The following ALOXE3 variants were observed in gnomAD, a reference collection of about 807,000 sequenced individuals.
ALOXE3 encodes hydroperoxide isomerase ALOXE3.
ALOXE3 carries 78 observed loss-of-function variants against 87.5 expected under a neutral mutation model. That is an observed-to-expected ratio of 0.89 (90% confidence interval 0.74 to 1.08). ALOXE3 has a LOEUF of 1.08. Among genes scored for constraint, ALOXE3 ranks in the 50% least tolerant of loss-of-function variants. The pLI is 0.00. For synonymous variants in ALOXE3, 363 were observed against 370.8 expected (o/e 0.98, Z 0.24); for missense variants, 946 against 912.4 (o/e 1.04, Z -0.47).
chr17:8,104,008 T>C (rs1009746542), intron 14 of ALOXE3, 107 bp downstream of exon 14: 12 of 959,240 alleles, frequency 1.3e-5, no homozygotes, highest in Non-Finnish European at 1.5e-5. Flanking sequence ...CCAAGTCTAA[T>C]CATAAACCCA....
intron 15 of ALOXE3, among the ~76,000 whole-genome samples, chr17:8,102,674 T>C (rs1658017793): frequency 1.3e-5 from 2 of 152,274 alleles, no homozygotes; most frequent in Admixed American, 1.3e-4. Context: ...GCCCTGCTCT[T>C]CCTCTCTGTC....
At chr17:8,118,450 C>G in intron 1 of ALOXE3, 36 bp downstream of exon 1, 1 of 1,550,322 alleles carries the variant, frequency 6.5e-7, no homozygotes, top group Middle Eastern at 1.7e-4. Context: ...AAGATCTGTT[C>G]CTCCCCATTC....
At chr17:8,109,833 G>A in intron 11 of ALOXE3, 83 bp downstream of exon 11, 2 of 1,401,032 alleles carry the variant, frequency 1.4e-6, no homozygotes, top group Non-Finnish European at 1.9e-6. Context: ...AAGGGGCTTG[G>A]GCGCAGAACA....
At chr17:8,107,753 C>T (rs1412422836) in intron 13 of ALOXE3, among the ~76,000 whole-genome samples, 7 of 144,258 alleles carry the variant, frequency 4.9e-5, no homozygotes, top group Admixed American at 2.1e-4. Context: ...GAGCAGAGAT[C>T]GCGCCACTGC....
At position 8,096,270 on chromosome 17, in the gene ALOXE3, T is replaced by G; in HGVS notation, c.*357A>C. On this transcript the variant is annotated 3_prime_UTR_variant, in exon 16 of 16. Coordinates refer to ENST00000448843, the MANE Select transcript of ALOXE3 (RefSeq NM_021628.3). ...CATGGTAGGAGAAGGAGTTTGGGGA[T>G]TGGGGAGGATGAGGGAGAAAAGCTC... 5 of 232,890 alleles carry G rather than the reference T, an allele frequency of 2.1e-5. No individual in the cohort carries two copies. Among genetic ancestry groups the G allele is most frequent in the South Asian group, 6.9e-5 (1 of 14,462 alleles). 14.4% of individuals were successfully genotyped at this position (232,890 alleles called of 1,614,324 possible).
chr17:8,098,234 G>GTTTTTTTTTTTT (rs71159546), intron 15 of ALOXE3, among the ~76,000 whole-genome samples: 18 of 87,484 alleles, frequency 2.1e-4, no homozygotes, highest in East Asian at 3.8e-4. Context: ...TTTGGTTTTT[G>GTTTTTTTTTTTT]TTTTTTTTTT....
rs1212934112 is a variant in ALOXE3 at position 8,107,907 on chromosome 17, A to G, written c.1684+561T>C. ...AAAGAAAGAAAGAAAGAAAGAAAGA[A>G]AGAAAGAAAGAAAGAAAGAAAGAAA... is the stretch of plus-strand genomic sequence containing the variant. On this transcript the variant is annotated intron_variant, in intron 13 of 15. Transcript: ENST00000448843. Among the ~76,000 whole-genome samples, 23 of 7,136 alleles carry G rather than the reference A, an allele frequency of 3.2e-3. 5 individuals carry two copies. Among genetic ancestry groups the G allele is most frequent in the Admixed American group, 0.019 (15 of 792 alleles). The allele number at this position is 7,136 out of a possible 152,430, so 4.7% of individuals were successfully genotyped here. A position where few individuals can be genotyped will look rare whatever the true frequency, so the allele number is the denominator to read the frequency against.
At chr17:8,099,651 ACT>A (rs1396128103) in intron 15 of ALOXE3, among the ~76,000 whole-genome samples, 1 of 141,340 alleles carries the variant, frequency 7.1e-6, no homozygotes, top group African/African-American at 2.7e-5. Flanking sequence ...ACGGAGTGAG[ACT>A]CTGTCTCAAA....
chr17:8,103,635 G>A lies in ALOXE3; in HGVS notation c.1786-142C>T, dbSNP rs1449794486. The A allele has an allele frequency of 8.6e-6, 8 of 926,752 alleles. No homozygotes were observed. In the African/African-American group the frequency reaches 1.3e-4, roughly 15 times the overall value. 57.4% of individuals were successfully genotyped at this position (926,752 alleles called of 1,614,324 possible). A position where few individuals can be genotyped will look rare whatever the true frequency, so the allele number is the denominator to read the frequency against. On this transcript the variant is annotated intron_variant, in intron 14 of 15. Transcript: ENST00000448843. ...GATCACGGAAAGGCAAGAGAGCTGG[G>A]AAATGAGGGGATCATGGAAAGGCAA...
At chr17:8,105,098 C>T (rs118102524) in intron 13 of ALOXE3, among the ~76,000 whole-genome samples, 5,516 of 152,270 alleles carry the variant, frequency 0.036, 129 homozygotes, top group Middle Eastern at 0.075. Flanking sequence ...CGTCAGATTA[C>T]GTCACCCCTC....
In ALOXE3 at chr17:8,114,551, A is replaced by C. The variant is rs1980408284; in HGVS notation, c.613T>G (p.Tyr205Asp). The C allele has an allele frequency of 6.2e-7, 1 of 1,613,838 alleles. No homozygotes were observed. The highest frequency in any genetic ancestry group is 1.7e-5 in the Admixed American group (1 of 60,000). The change falls in exon 6 of 16, where the codon TAC becomes GAC. Residue 205 changes from tyrosine (Y) to aspartate (D), a missense_variant. Tyr to Asp is a radical substitution (Grantham distance 160, BLOSUM62 -3). Coordinates refer to ENST00000448843, the MANE Select transcript of ALOXE3 (RefSeq NM_021628.3). ...PMKIDIPSLM[Y>D]MEPNVRYSAT... ...GAGTATCGAACATTGGGCTCCATGTACATCAGGGATGGGATGTCAATTTTC... is the reference window on the plus strand; with the variant it reads ...GAGTATCGAACATTGGGCTCCATGTCCATCAGGGATGGGATGTCAATTTTC...
chr17:8,106,678 T>C (rs1168024666), intron 13 of ALOXE3, among the ~76,000 whole-genome samples: 2 of 151,994 alleles, frequency 1.3e-5, no homozygotes, highest in Non-Finnish European at 2.9e-5. Context: ...ATACAAAAAT[T>C]ATCCGGGCGT....
chr17:8,110,829 CATCTGAGCACTATGT>C (rs1980011403), intron 8 of ALOXE3, among the ~76,000 whole-genome samples: 1 of 152,196 alleles, frequency 6.6e-6, no homozygotes, highest in Admixed American at 6.5e-5. Context: ...CCCCTTCTGA[CATCTGAGCACTATGT>C]ATCCAGCAAC....
In ALOXE3 at chr17:8,103,222, T is replaced by A. The variant is rs113934910; in HGVS notation, c.1956+101A>T. 7.4e-4 allele frequency: 1,040 copies of A among 1,400,994 alleles called. 7 individuals carry two copies. The African/African-American group carries it at 0.013, about 18-fold the overall frequency. The allele number at this position is 1,400,994 out of a possible 1,614,324, so 86.8% of individuals were successfully genotyped here. Reference sequence around the variant, plus strand: ...ACCCAAGGCAGTTCTGCAGTGAACATAAATCCCGTCGATCAGTCCTCAAGC... The same window carrying A: ...ACCCAAGGCAGTTCTGCAGTGAACAAAAATCCCGTCGATCAGTCCTCAAGC... On this transcript the variant is annotated intron_variant, in intron 15 of 15. Transcript: ENST00000448843.
At chr17:8,115,302 G>A (rs1008688648) in intron 4 of ALOXE3, among the ~76,000 whole-genome samples, 1 of 152,224 alleles carries the variant, frequency 6.6e-6, no homozygotes, top group Non-Finnish European at 1.5e-5. Context: ...CCGGTTTAGT[G>A]GGGGAGGCTG....
At chr17:8,115,564 C>G (rs1436961612) in intron 4 of ALOXE3, 43 bp downstream of exon 4, 16 of 1,552,288 alleles carry the variant, frequency 1.0e-5, no homozygotes, top group Middle Eastern at 1.7e-4. Context: ...AGACTGAGGT[C>G]AGGATAAAGA....
chr17:8,112,246 T>A, intron 6 of ALOXE3, 50 bp from the exon 7 acceptor site: 1 of 1,399,210 alleles, frequency 7.1e-7, no homozygotes, highest in Non-Finnish European at 1.0e-6. Flanking sequence ...TAGAGTCTGC[T>A]GGGAATCACT....
At chr17:8,107,809 A>AAAAAGAAAGAAAGAAAGAAAGAAAGAAAG (rs1979448904) in intron 13 of ALOXE3, among the ~76,000 whole-genome samples, 1 of 39,170 alleles carries the variant, frequency 2.6e-5, no homozygotes, top group African/African-American at 1.2e-4. Flanking sequence ...AAAAAAAAAA[A>AAAAAGAAAGAAAGAAAGAAAGAAAGAAAG]CAAGAAAGAA....
rs1248220350 is a variant in ALOXE3, at chr17:8,110,453, A to G, written c.1033T>C (p.Tyr345His). 7 of 1,613,432 alleles carry G rather than the reference A, an allele frequency of 4.3e-6. No homozygotes were observed. Among genetic ancestry groups the G allele is most frequent in the Non-Finnish European group, 5.1e-6 (6 of 1,179,734 alleles). Residue 345 changes from tyrosine to histidine, a missense_variant, in exon 9 of 16, where the codon TAC (tyrosine) becomes CAC (histidine). Physicochemically the swap from Tyr to His is moderately conservative, Grantham distance 83. Coordinates refer to ENST00000448843, the MANE Select transcript of ALOXE3 (RefSeq NM_021628.3). ...PTHCLNGRQQ[Y>H]VAAPLCLLWL... ...AGCAGGCACAGTGGGGCGGCCACGT[A>G]CTGCTGGCGGCCGTTTAGGCAGTGG...
Sources: gnomAD v4.1 joint callset for allele counts (sites outside exome capture counted in the v4.1 genomes callset) on GRCh38, gnomAD v4.1.1 for gene constraint, MANE v1.5 for transcripts, NCBI Gene and HGNC (gene_info 2026-07-23, HGNC 2026-07-21) for gene names.